The following PLEKHA6 variants were observed in gnomAD, a reference collection of about 807,000 sequenced individuals.
PLEKHA6 encodes pleckstrin homology domain-containing family A member 6.
In PLEKHA6, 60 loss-of-function variants were observed where a neutral mutation model predicts 116.7. The ratio of observed to expected loss-of-function variants is 0.51; its 90% CI spans 0.42 to 0.64. PLEKHA6 has a LOEUF of 0.64. PLEKHA6 is among the 30% of genes least tolerant of loss of function. PLEKHA6 has a pLI of 0.00. For synonymous variants in PLEKHA6, 489 were observed against 556.1 expected (o/e 0.88, Z 1.70); for missense variants, 1,338 against 1,422.7 (o/e 0.94, Z 0.96).
At chr1:204,374,864 T>C (rs536138314) in intron 1 of PLEKHA6, among the ~76,000 whole-genome samples, 1 of 152,310 alleles carries the variant, frequency 6.6e-6, no homozygotes, top group East Asian at 1.9e-4. Flanking sequence ...CACTGCAACC[T>C]GGTTTCTGTT....
At position 204,238,864 on chromosome 1, in the gene PLEKHA6, G is replaced by A. The variant is rs1016833837; in HGVS notation, c.2409+2511C>T. On this transcript the variant is annotated intron_variant, in intron 17 of 22. Coordinates refer to ENST00000272203, the MANE Select transcript of PLEKHA6 (RefSeq NM_014935.5). The surrounding 1 kb of genome is among the most constrained non-coding windows in gnomAD (Gnocchi z 4.2). ...AGCAGTGAAGGGAAATCTTCCCAGT[G>A]GGCAGAACTTCAAGCAGTGCACCTG... 3.9e-5 allele frequency among the ~76,000 whole-genome samples: 6 copies of A among 152,226 alleles called. No homozygotes were observed. The highest frequency in any genetic ancestry group is 8.8e-5 in the Non-Finnish European group (6 of 68,048).
At chr1:204,286,058 C>A (rs779436493) in intron 1 of PLEKHA6, among the ~76,000 whole-genome samples, 13 of 151,998 alleles carry the variant, frequency 8.6e-5, no homozygotes, top group Non-Finnish European at 1.6e-4. Context: ...CTTCCCTGCA[C>A]CTCCCCTTCC....
rs553041417 is a variant in PLEKHA6, at chr1:204,261,503, A to T, written c.382-55T>A. On this transcript the variant is annotated intron_variant, in intron 6 of 22. Transcript: ENST00000272203. The surrounding 1 kb of genome is among the most constrained non-coding windows in gnomAD (Gnocchi z 4.0). ...CCTCGGCCTCATCCACCCAGCACAC[A>T]GTCACCTGTTGGGAGAAGACACCAA... The T allele has an allele frequency of 3.4e-5, 53 of 1,542,034 alleles. No individual in the cohort carries two copies. The East Asian group carries it at 1.2e-3, about 35-fold the overall frequency.
At chr1:204,281,581 C>A (rs1158215045) in intron 1 of PLEKHA6, among the ~76,000 whole-genome samples, 1 of 152,026 alleles carries the variant, frequency 6.6e-6, no homozygotes, top group Non-Finnish European at 1.5e-5. Context: ...CAGAGCAAGA[C>A]CCTCCTGTCT....
intron 18 of PLEKHA6, among the ~76,000 whole-genome samples, chr1:204,229,568 A>G (rs1660871208): frequency 6.6e-6 from 1 of 152,176 alleles, no homozygotes; most frequent in African/African-American, 2.4e-5. Context: ...TGAATCCACC[A>G]TGCCCAGCTA....
At chr1:204,315,685 G>T (rs1303582052) in intron 1 of PLEKHA6, among the ~76,000 whole-genome samples, 1 of 152,242 alleles carries the variant, frequency 6.6e-6, no homozygotes, top group Non-Finnish European at 1.5e-5. Flanking sequence ...ACTGAGCAGA[G>T]ATGTGGTCCC....
At chr1:204,343,617 G>A (rs182264874) in intron 1 of PLEKHA6, among the ~76,000 whole-genome samples, 2 of 152,240 alleles carry the variant, frequency 1.3e-5, no homozygotes, top group East Asian at 3.9e-4. Flanking sequence ...ATGTTGAACT[G>A]GTACCACCGT....
chr1:204,365,568 C>T (rs1023414561), intron 3 of PLEKHA6, among the ~76,000 whole-genome samples: 2 of 152,210 alleles, frequency 1.3e-5, no homozygotes, highest in Non-Finnish European at 2.9e-5. Flanking sequence ...GCAATGACTT[C>T]AAGTCTGGAC....
chr1:204,370,758 A>C (rs1488277934), intron 2 of PLEKHA6, among the ~76,000 whole-genome samples: 1 of 152,176 alleles, frequency 6.6e-6, no homozygotes, highest in Non-Finnish European at 1.5e-5. Flanking sequence ...TGAATTAATT[A>C]GGATTAAAAA....
At chr1:204,260,933 C>T (rs1666029098) in intron 7 of PLEKHA6, among the ~76,000 whole-genome samples, 1 of 152,224 alleles carries the variant, frequency 6.6e-6, no homozygotes, top group South Asian at 2.1e-4. Flanking sequence ...GATCACGCTA[C>T]AGCCAAGTGG....
At chr1:204,241,220 T>C (rs1662760040) in intron 17 of PLEKHA6, among the ~76,000 whole-genome samples, 155 bp downstream of exon 17, 1 of 152,206 alleles carries the variant, frequency 6.6e-6, no homozygotes, top group African/African-American at 2.4e-5. Context: ...GGAGAGCTCC[T>C]CCTCCAGTGG....
rs11805676 is a variant in PLEKHA6, at chr1:204,316,279, C to G, written c.-94-41470G>C. On this transcript the variant is annotated intron_variant, in intron 1 of 22. Coordinates refer to ENST00000272203, the MANE Select transcript of PLEKHA6 (RefSeq NM_014935.5). ...CGGGACTGACAAGGGGAGGAGAGGC[C>G]CTGGTTGGGTAAGAACCTGACTTTC... is the stretch of plus-strand genomic sequence containing the variant. Among the ~76,000 whole-genome samples, 1,195 of 152,160 alleles carry G rather than the reference C, an allele frequency of 7.9e-3. 12 individuals carry two copies. The highest frequency in any genetic ancestry group is 0.026 in the African/African-American group (1,066 of 41,502).
intron 3 of PLEKHA6, among the ~76,000 whole-genome samples, chr1:204,270,226 C>T (rs1473231768): frequency 3.3e-5 from 5 of 152,202 alleles, no homozygotes; most frequent in Non-Finnish European, 7.3e-5. Flanking sequence ...TCTACTTCCA[C>T]TCTCCAAGTG....
At chr1:204,327,242 C>A (rs1672274450) in intron 1 of PLEKHA6, among the ~76,000 whole-genome samples, 1 of 152,230 alleles carries the variant, frequency 6.6e-6, no homozygotes, top group Non-Finnish European at 1.5e-5. Flanking sequence ...CCCAAGAAAG[C>A]AGTACCAGGG....
intron 1 of PLEKHA6, among the ~76,000 whole-genome samples, chr1:204,325,446 A>G (rs1177892190): frequency 6.6e-6 from 1 of 152,198 alleles, no homozygotes; most frequent in Admixed American, 6.5e-5. Flanking sequence ...TTGTCCTACC[A>G]AAGAACTCAC....
At chr1:204,254,761 T>C (rs956838653) in intron 9 of PLEKHA6, among the ~76,000 whole-genome samples, 4 of 152,294 alleles carry the variant, frequency 2.6e-5, no homozygotes, top group Admixed American at 2.6e-4. Flanking sequence ...TTGTAGCTGT[T>C]GTTATTATTA....
chr1:204,287,188 G>A (rs910395954), intron 1 of PLEKHA6, among the ~76,000 whole-genome samples: 3 of 152,016 alleles, frequency 2.0e-5, no homozygotes, highest in Admixed American at 6.6e-5. Context: ...AGCTGGGGGC[G>A]GGAGGAGAGT....
intron 1 of PLEKHA6, among the ~76,000 whole-genome samples, chr1:204,344,889 C>T (rs1050120382): frequency 6.6e-6 from 1 of 152,110 alleles, no homozygotes; most frequent in Non-Finnish European, 1.5e-5. Context: ...TGAAATCTAA[C>T]CCAGGAAAAA....
chr1:204,227,430 A>G (rs138372671), intron 21 of PLEKHA6, among the ~76,000 whole-genome samples: 9 of 152,134 alleles, frequency 5.9e-5, no homozygotes, highest in African/African-American at 1.9e-4. Context: ...CTACATTTTC[A>G]TCTATTCTGG....
Sources: allele counts gnomAD v4.1 joint callset (sites outside exome capture counted in the v4.1 genomes callset), GRCh38; gene constraint gnomAD v4.1.1; non-coding constraint Gnocchi (gnomAD v3.1); transcripts MANE v1.5; gene names NCBI Gene and HGNC (gene_info 2026-07-23, HGNC 2026-07-21).